The following XIRP2 variants were observed in gnomAD, a reference collection of about 807,000 sequenced individuals.
The protein encoded by XIRP2 is xin actin binding repeat containing 2, also known as xin actin-binding repeat-containing protein 2.
Under a neutral mutation model 277.0 loss-of-function variants are expected in XIRP2, and 236 were observed. The observed-to-expected ratio is 0.85, with a 90% CI of 0.77 to 0.95. XIRP2 has a LOEUF of 0.95. Among genes scored for constraint, XIRP2 ranks in the 40% least tolerant of loss-of-function variants. The probability of loss-of-function intolerance (pLI) is 0.00; values close to 1 mark genes in which losing one functional copy is unlikely to be tolerated. For missense variants in XIRP2, 4,640 were observed against 4,157.5 expected (o/e 1.12, Z -3.19); for synonymous variants, 1,490 against 1,416.5 (o/e 1.05, Z -1.17).
intron 2 of XIRP2, among the ~76,000 whole-genome samples, chr2:166,939,543 G>T (rs952456882): frequency 6.6e-6 from 1 of 151,442 alleles, no homozygotes; most frequent in African/African-American, 2.4e-5. Flanking sequence ...AGCTGGGCGT[G>T]GTGGTGGCCT....
At chr2:167,175,546 G>C (rs1265275161) in intron 3 of XIRP2, among the ~76,000 whole-genome samples, 2 of 152,096 alleles carry the variant, frequency 1.3e-5, no homozygotes, top group African/African-American at 4.8e-5. Flanking sequence ...ATGCCAGCTG[G>C]AGCTATCCTG....
intron 10 of XIRP2, among the ~76,000 whole-genome samples, chr2:167,255,115 G>T (rs1212853773): frequency 6.6e-6 from 1 of 151,622 alleles, no homozygotes; most frequent in Admixed American, 6.6e-5. Context: ...AGATGTAAGA[G>T]GTCCTCACAA....
At chr2:166,926,033 T>C (rs924499184) in intron 2 of XIRP2, among the ~76,000 whole-genome samples, 1 of 151,936 alleles carries the variant, frequency 6.6e-6, no homozygotes, top group African/African-American at 2.4e-5. Context: ...ACAATGGTGC[T>C]ACTGTACTGC....
chr2:166,942,046 T>G (rs933972523), intron 2 of XIRP2, among the ~76,000 whole-genome samples: 1 of 152,210 alleles, frequency 6.6e-6, no homozygotes, highest in Non-Finnish European at 1.5e-5. Flanking sequence ...ATATATTCAT[T>G]CTACTCAATA....
intron 3 of XIRP2, among the ~76,000 whole-genome samples, chr2:167,193,879 CAAA>C (rs767047580): frequency 8.4e-5 from 6 of 71,804 alleles, no homozygotes; most frequent in Admixed American, 1.6e-4. Flanking sequence ...GACTCTGTCT[CAAA>C]AAAAAAAAAA....
Position 167,131,217 on chromosome 2 carries a change from G to A in XIRP2, c.409-4692G>A, listed in dbSNP as rs538459824. Reference sequence around the variant, plus strand: ...GAACGCTTTCTGTTATGCTACCTTCGGGCTATATTTCTACCCATGCTTTGG... The same window carrying A: ...GAACGCTTTCTGTTATGCTACCTTCAGGCTATATTTCTACCCATGCTTTGG... On this transcript the variant is annotated intron_variant, in intron 2 of 10. Transcript: ENST00000409195. Among the ~76,000 whole-genome samples, 31 of 152,052 alleles carry A rather than the reference G, an allele frequency of 2.0e-4. No homozygotes were observed. The South Asian group carries it at 5.8e-3, about 29-fold the overall frequency.
At chr2:166,996,515 T>A (rs1301488267) in intron 2 of XIRP2, among the ~76,000 whole-genome samples, 1 of 152,094 alleles carries the variant, frequency 6.6e-6, no homozygotes, top group Non-Finnish European at 1.5e-5. Context: ...TAATCTCAGC[T>A]ACTCAGGAGG....
chr2:166,894,072 G>A (rs1298351101), intron 1 of XIRP2, among the ~76,000 whole-genome samples: 7 of 152,036 alleles, frequency 4.6e-5, no homozygotes, highest in Non-Finnish European at 8.8e-5. Flanking sequence ...AGGCAAAATT[G>A]TGGTCATTCT....
Position 166,996,576 on chromosome 2 carries a change from G to A in XIRP2, c.408+92686G>A, listed in dbSNP as rs573039478. On this transcript the variant is annotated intron_variant, in intron 2 of 10. Transcript: ENST00000409195. ...CAGGAGGCAGAGGTTTCAGTGAGCC[G>A]AAATCATGCCACTGCACTACAGTCT... 6.6e-4 allele frequency among the ~76,000 whole-genome samples: 101 copies of A among 152,204 alleles called. 1 individual carries two copies. Among genetic ancestry groups the A allele is most frequent in the East Asian group, 3.9e-4 (2 of 5,166 alleles).
intron 3 of XIRP2, among the ~76,000 whole-genome samples, chr2:167,161,353 C>T (rs1692356385): frequency 6.6e-6 from 1 of 152,186 alleles, no homozygotes; most frequent in South Asian, 2.1e-4. Flanking sequence ...TTCTCCACTG[C>T]CCTAGCAGAG....
At chr2:167,134,199 G>A (rs537225652) in intron 2 of XIRP2, among the ~76,000 whole-genome samples, 1 of 150,414 alleles carries the variant, frequency 6.6e-6, no homozygotes, top group South Asian at 2.1e-4. Context: ...TCATATATAT[G>A]AATATATATT....
chr2:167,186,610 T>C (rs1368668128), intron 3 of XIRP2, among the ~76,000 whole-genome samples: 2 of 152,132 alleles, frequency 1.3e-5, no homozygotes, highest in Non-Finnish European at 2.9e-5. Flanking sequence ...CTGGGTCAGA[T>C]TGGCAGCATG....
intron 3 of XIRP2, among the ~76,000 whole-genome samples, chr2:167,159,663 TA>T (rs1280575221): frequency 6.6e-6 from 1 of 151,614 alleles, no homozygotes; most frequent in Non-Finnish European, 1.5e-5. Flanking sequence ...TGCCTGTATC[TA>T]TATTTCTTCA....
intron 9 of XIRP2, among the ~76,000 whole-genome samples, chr2:167,252,177 C>T (rs1352677343): frequency 3.9e-5 from 6 of 151,934 alleles, no homozygotes; most frequent in Admixed American, 3.9e-4. Context: ...ATAACAAATA[C>T]TATTATACAG....
intron 2 of XIRP2, among the ~76,000 whole-genome samples, chr2:167,037,079 T>C (rs1252572054): frequency 1.3e-5 from 2 of 152,148 alleles, no homozygotes; most frequent in Non-Finnish European, 2.9e-5. Context: ...GAAAACAGAC[T>C]AATACAAGAC....
intron 2 of XIRP2, among the ~76,000 whole-genome samples, chr2:166,934,356 A>G (rs1685435404): frequency 6.6e-6 from 1 of 151,986 alleles, no homozygotes; most frequent in South Asian, 2.1e-4. Flanking sequence ...ATAAACTGAA[A>G]CCTTCAGTCC....
chr2:167,131,432 T>C (rs558504048), intron 2 of XIRP2, among the ~76,000 whole-genome samples: 4 of 152,288 alleles, frequency 2.6e-5, no homozygotes, highest in South Asian at 2.1e-4. Flanking sequence ...CACATTAACA[T>C]TGAAATGTTC....
chr2:167,251,607 G>A lies in XIRP2; in HGVS notation c.10215G>A (p.Gln3405=), dbSNP rs765013604. The change falls in exon 9 of 11, where the codon CAG becomes CAA. Residue 3405 remains glutamine, a synonymous_variant. Coordinates refer to ENST00000409195, the MANE Select transcript of XIRP2 (RefSeq NM_152381.6). ...RELREKIPVK[Q]PRICSETRSL... is the part of the protein sequence containing the mutation. ...TGCGAGAAAAGATTCCTGTTAAGCA[G>A]CCCAGGATCTGCTCTGAAACCAGGT... 31 of 1,613,412 alleles carry A rather than the reference G, an allele frequency of 1.9e-5. No individual in the cohort carries two copies. The highest frequency in any genetic ancestry group is 1.7e-6 in the Non-Finnish European group (2 of 1,179,666).
intron 2 of XIRP2, among the ~76,000 whole-genome samples, chr2:166,985,617 A>G (rs1686983939): frequency 6.6e-6 from 1 of 152,030 alleles, no homozygotes; most frequent in African/African-American, 2.4e-5. Context: ...TTTTTAGTAG[A>G]GACAGGGTTT....
Sources: allele counts gnomAD v4.1 joint callset (sites outside exome capture counted in the v4.1 genomes callset), GRCh38; gene constraint gnomAD v4.1.1; transcripts MANE v1.5; gene names NCBI Gene and HGNC (gene_info 2026-07-23, HGNC 2026-07-21).